The following CRTAC1 variants were observed in gnomAD, a reference collection of about 807,000 sequenced individuals.
CRTAC1 encodes the protein acidic secreted protein in cartilage.
A neutral mutation model predicts 67.8 loss-of-function variants in CRTAC1; 37 were observed. The observed-to-expected ratio is 0.55, with a 90% CI of 0.42 to 0.72. The LOEUF is 0.72. Ranked by LOEUF, CRTAC1 falls within the 30% of genes least tolerant of loss-of-function variation. The pLI, the probability that CRTAC1 is intolerant of heterozygous loss-of-function variation, is 0.00. For missense variants in CRTAC1, 780 were observed against 931.6 expected (o/e 0.84, Z 2.12); for synonymous variants, 348 against 371.0 (o/e 0.94, Z 0.71).
At chr10:97,931,697 C>T (rs112327888) in intron 3 of CRTAC1, among the ~76,000 whole-genome samples, 4,137 of 152,324 alleles carry the variant, frequency 0.027, 187 homozygotes, top group African/African-American at 0.093. Flanking sequence ...CATGAAAGTA[C>T]GGTAGTGGTG....
chr10:97,923,465 G>C, intron 3 of CRTAC1, 65 bp from the exon 4 acceptor site: 3 of 1,599,128 alleles, frequency 1.9e-6, no homozygotes, highest in Non-Finnish European at 2.6e-6. Context: ...TGATCTCTGG[G>C]TATGTCTCAT....
chr10:98,023,566 A>G (rs943408800), intron 1 of CRTAC1, among the ~76,000 whole-genome samples: 39 of 152,288 alleles, frequency 2.6e-4, no homozygotes, highest in Middle Eastern at 3.4e-3. Context: ...GCCTCTTTGG[A>G]TATACACAGC....
intron 2 of CRTAC1, among the ~76,000 whole-genome samples, chr10:98,009,482 C>T (rs1221396784): frequency 1.3e-5 from 2 of 152,174 alleles, no homozygotes; most frequent in Non-Finnish European, 2.9e-5. Context: ...ACATCATCAC[C>T]ACTAACCGCC....
intron 14 of CRTAC1, chr10:97,869,897 A>C (rs559181348): frequency 6.6e-6 from 1 of 152,426 alleles, no homozygotes; most frequent in African/African-American, 2.4e-5. Flanking sequence ...GACAGGAGGC[A>C]TCACCACCTG....
intron 5 of CRTAC1, among the ~76,000 whole-genome samples, chr10:97,915,409 C>T (rs568580687): frequency 1.3e-5 from 2 of 152,332 alleles, no homozygotes; most frequent in African/African-American, 4.8e-5. Flanking sequence ...ATACAGCTCT[C>T]TAGCAGGCAG....
At chr10:97,890,699 C>G (rs550835427) in intron 11 of CRTAC1, among the ~76,000 whole-genome samples, 1 of 148,258 alleles carries the variant, frequency 6.7e-6, no homozygotes, top group South Asian at 2.1e-4. Context: ...CGGAGTTTCG[C>G]TTTTGTTGCC....
intron 2 of CRTAC1, among the ~76,000 whole-genome samples, chr10:97,974,689 C>T (rs900521095): frequency 1.3e-5 from 2 of 152,200 alleles, no homozygotes; most frequent in African/African-American, 2.4e-5. Context: ...TCTGCCCCTC[C>T]GCTCGGGGTC....
chr10:98,024,453 GCA>G, intron 1 of CRTAC1, among the ~76,000 whole-genome samples: 1 of 152,286 alleles, frequency 6.6e-6, no homozygotes, highest in South Asian at 2.1e-4. Flanking sequence ...GGAGGGTTGA[GCA>G]GGAAAGGATG....
intron 2 of CRTAC1, among the ~76,000 whole-genome samples, chr10:97,996,403 C>T (rs1842570121): frequency 6.6e-6 from 1 of 151,436 alleles, no homozygotes. Context: ...AACAAACAAC[C>T]CCATCAAAAA....
At chr10:97,937,639 A>G (rs1407288328) in intron 2 of CRTAC1, among the ~76,000 whole-genome samples, 3 of 152,222 alleles carry the variant, frequency 2.0e-5, no homozygotes, top group Non-Finnish European at 4.4e-5. Flanking sequence ...GAATCATAAA[A>G]GCTCAGGTGT....
At chr10:97,869,114 T>G (rs961896926) in intron 14 of CRTAC1, 2 of 152,214 alleles carry the variant, frequency 1.3e-5, no homozygotes, top group Non-Finnish European at 2.9e-5. Context: ...CTTAACAGCT[T>G]GAGGGCCTCA....
At chr10:97,945,614 C>A (rs527410229) in intron 2 of CRTAC1, among the ~76,000 whole-genome samples, 57 of 152,048 alleles carry the variant, frequency 3.7e-4, no homozygotes, top group Middle Eastern at 3.4e-3. Flanking sequence ...AGGTTCTGGG[C>A]GTGATGAGAA....
At chr10:97,994,017 T>C (rs1221704551) in intron 2 of CRTAC1, among the ~76,000 whole-genome samples, 5 of 152,068 alleles carry the variant, frequency 3.3e-5, no homozygotes, top group African/African-American at 1.2e-4. Context: ...CCACCATGCC[T>C]GGCTAATTTT....
Position 97,880,271 on chromosome 10 carries a change from G to T in CRTAC1, c.1797C>A (p.Asn599Lys), listed in dbSNP as rs372101559. Residue 599 changes from asparagine (N) to lysine (K), a missense_variant, in exon 14 of 15, where the codon AAC becomes AAA. Asn to Lys is a moderately conservative substitution (Grantham distance 94). Coordinates refer to ENST00000370597, the MANE Select transcript of CRTAC1 (RefSeq NM_018058.7). ...NKKCSRGYEP[N>K]EDGTACVGTL... The stretch of plus-strand genomic sequence containing the variant: ...CACCCACGCAGGCTGTGCCATCCTC[G>T]TTGGGCTCGTAGCCCCGACTGCACT... 6.2e-7 allele frequency: 1 copy of T among 1,614,066 alleles called. No homozygotes were observed. The highest frequency in any genetic ancestry group is 1.3e-5 in the African/African-American group (1 of 74,936).
chr10:97,944,930 A>G (rs180806729), intron 2 of CRTAC1, among the ~76,000 whole-genome samples: 1 of 152,372 alleles, frequency 6.6e-6, no homozygotes, highest in Non-Finnish European at 1.5e-5. Flanking sequence ...TGACAGCTGA[A>G]TGCAGCTAAG....
In CRTAC1 at chr10:97,865,396, C is replaced by T. The variant is rs1201779248; in HGVS notation, c.*152G>A. On this transcript the variant is annotated 3_prime_UTR_variant, in exon 15 of 15. Coordinates refer to ENST00000370597, the MANE Select transcript of CRTAC1 (RefSeq NM_018058.7). ...CAGCACAGGGCCTGGCCTTACGAGT[C>T]TCCCTAATTGTTAGCTAAGTAATGT... The T allele has an allele frequency of 2.2e-6, 2 of 918,984 alleles. No homozygotes were observed. The highest frequency in any genetic ancestry group is 3.1e-6 in the Non-Finnish European group (2 of 636,354). 56.9% of individuals were successfully genotyped at this position (918,984 alleles called of 1,614,324 possible). A position where few individuals can be genotyped will look rare whatever the true frequency, so the allele number is the denominator to read the frequency against.
intron 1 of CRTAC1, among the ~76,000 whole-genome samples, chr10:98,023,044 T>G (rs555608061): frequency 3.3e-5 from 5 of 152,282 alleles, no homozygotes; most frequent in African/African-American, 1.2e-4. Flanking sequence ...TCCTAGTTTG[T>G]CTCCAGTGGA....
At position 97,894,738 on chromosome 10, in the gene CRTAC1, A is replaced by ATG. The variant is rs1457057636; in HGVS notation, c.1486+506_1486+507insCA. On this transcript the variant is annotated intron_variant, in intron 11 of 14. Coordinates refer to ENST00000370597, the MANE Select transcript of CRTAC1 (RefSeq NM_018058.7). ...TATATATATATATATATATATATAT[A>ATG]TATATATATATATATATATATATAT... 7.9e-5 allele frequency among the ~76,000 whole-genome samples: 3 copies of ATG among 38,106 alleles called. No individual in the cohort carries two copies. The East Asian group carries it at 2.1e-3, about 26-fold the overall frequency. The allele number at this position is 38,106 out of a possible 152,430, so 25.0% of individuals were successfully genotyped here.
At chr10:97,954,584 G>A (rs897434448) in intron 2 of CRTAC1, among the ~76,000 whole-genome samples, 6 of 152,196 alleles carry the variant, frequency 3.9e-5, no homozygotes, top group African/African-American at 1.4e-4. Flanking sequence ...CAAGGACTCT[G>A]GCACATGCCC....
Sources: gnomAD v4.1 joint callset for allele counts (sites outside exome capture counted in the v4.1 genomes callset) on GRCh38, gnomAD v4.1.1 for gene constraint, MANE v1.5 for transcripts, NCBI Gene and HGNC (gene_info 2026-07-23, HGNC 2026-07-21) for gene names.